PDGFRA: variants seen among roughly 807,000 people sequenced by gnomAD.
PDGFRA encodes the protein platelet-derived growth factor receptor alpha.
PDGFRA carries 25 observed loss-of-function variants against 121.5 expected under a neutral mutation model. That is an observed-to-expected ratio of 0.21 (90% CI 0.15 to 0.29). The LOEUF (loss-of-function observed/expected upper bound fraction) is 0.29, where lower values mean the gene tolerates loss of function less well. PDGFRA is among the 10% of genes least tolerant of loss of function. PDGFRA has a pLI of 1.00. For missense variants in PDGFRA, 1,008 were observed against 1,345.1 expected (o/e 0.75, Z 3.92); for synonymous variants, 463 against 494.8 (o/e 0.94, Z 0.85).
intron 10 of PDGFRA, 88 bp from the exon 11 acceptor site, chr4:54,274,443 C>A: frequency 1.1e-6 from 1 of 947,698 alleles, no homozygotes; most frequent in Non-Finnish European, 1.7e-6. Context: ...TGAGAGATTC[C>A]TGGCTCAGAC....
intron 20 of PDGFRA, 23 bp from the exon 21 acceptor site, chr4:54,288,986 A>G (rs1724495840): frequency 6.4e-7 from 1 of 1,554,770 alleles, no homozygotes; most frequent in Non-Finnish European, 8.9e-7. Flanking sequence ...CCCTGTGCCC[A>G]CTCTTGAGTT....
At chr4:54,263,041 T>A (rs1194923184) in intron 3 of PDGFRA, among the ~76,000 whole-genome samples, 1 of 152,224 alleles carries the variant, frequency 6.6e-6, no homozygotes, top group Non-Finnish European at 1.5e-5. Flanking sequence ...GTTTTTCTTT[T>A]GGAAAGGAAA....
intron 1 of PDGFRA, among the ~76,000 whole-genome samples, chr4:54,246,764 T>G (rs1721696339): frequency 6.6e-6 from 1 of 151,028 alleles, no homozygotes; most frequent in East Asian, 1.9e-4. Flanking sequence ...TTCAAAAAAT[T>G]AATGAATCCA....
chr4:54,273,314 T>A (rs571702455), intron 9 of PDGFRA, among the ~76,000 whole-genome samples: 2 of 152,358 alleles, frequency 1.3e-5, no homozygotes, highest in East Asian at 3.9e-4. Context: ...CTCTGCCTGC[T>A]ATGTAAACAC....
chr4:54,241,740 G>T (rs1338436115), intron 1 of PDGFRA, among the ~76,000 whole-genome samples: 1 of 151,746 alleles, frequency 6.6e-6, no homozygotes, highest in Non-Finnish European at 1.5e-5. Flanking sequence ...GTAGAGATGG[G>T]GTTTCATCAT....
At chr4:54,234,704 A>T (rs1720914736) in intron 1 of PDGFRA, among the ~76,000 whole-genome samples, 1 of 152,046 alleles carries the variant, frequency 6.6e-6, no homozygotes, top group Non-Finnish European at 1.5e-5. Flanking sequence ...TGAGGAGGGT[A>T]GTGGGGGGGC....
intron 1 of PDGFRA, among the ~76,000 whole-genome samples, chr4:54,234,989 C>G (rs187984604): frequency 6.6e-6 from 1 of 152,076 alleles, no homozygotes; most frequent in East Asian, 1.9e-4. Context: ...GATGGAGCTC[C>G]GGGAGATCAA....
intron 22 of PDGFRA, among the ~76,000 whole-genome samples, chr4:54,291,888 G>C (rs913527332): frequency 1.3e-5 from 2 of 152,004 alleles, no homozygotes; most frequent in Admixed American, 6.5e-5. Context: ...AATGCCCATT[G>C]ACAGTAGACT....
rs749484657 is a variant in PDGFRA, at chr4:54,289,124, G to A, written c.2880+10G>A. On this transcript the variant is annotated intron_variant, in intron 21 of 22. Coordinates refer to ENST00000257290, the MANE Select transcript of PDGFRA (RefSeq NM_006206.6). ...TGGACAATATAAAAAGGTGTGTTTG[G>A]ATCTGTGGGTGGAAAGGTCTGGATA... 4 of 1,467,470 alleles carry A rather than the reference G, an allele frequency of 2.7e-6. No individual in the cohort carries two copies. The African/African-American group carries it at 5.6e-5, about 20-fold the overall frequency. The allele number at this position is 1,467,470 out of a possible 1,614,324, so 90.9% of individuals were successfully genotyped here.
chr4:54,281,189 C>A (rs1282249684), intron 16 of PDGFRA, among the ~76,000 whole-genome samples: 1 of 152,122 alleles, frequency 6.6e-6, no homozygotes, highest in Non-Finnish European at 1.5e-5. Flanking sequence ...CAGGGTGGTT[C>A]CTCCAGAGCC....
Position 54,260,397 on chromosome 4 carries a change from G to GTTTTTTTTTTTTT in PDGFRA, c.50-681_50-669dup, listed in dbSNP as rs68009440. Among the ~76,000 whole-genome samples, 116 of 64,574 alleles carry GTTTTTTTTTTTTT rather than the reference G, an allele frequency of 1.8e-3. 3 individuals carry two copies. The highest frequency in any genetic ancestry group is 7.6e-3 in the African/African-American group (112 of 14,770). The allele number at this position is 64,574 out of a possible 152,430, so 42.4% of individuals were successfully genotyped here. ...TTGCCTCCATTCTTATTCCATGTGG[G>GTTTTTTTTTTTTT]TTTTTTTTTTTTTTTTTTTTTTTTT... On this transcript the variant is annotated intron_variant, in intron 2 of 22. Coordinates refer to ENST00000257290, the MANE Select transcript of PDGFRA (RefSeq NM_006206.6).
rs1433353094 is a variant in PDGFRA at position 54,298,087 on chromosome 4, T to C, written c.*2815T>C. 1 of 222,858 alleles carries C rather than the reference T, an allele frequency of 4.5e-6. No individual in the cohort carries two copies. Among genetic ancestry groups the C allele is most frequent in the Non-Finnish European group, 9.0e-6 (1 of 111,374 alleles). 13.8% of individuals were successfully genotyped at this position (222,858 alleles called of 1,614,324 possible). On this transcript the variant is annotated 3_prime_UTR_variant, in exon 23 of 23. Transcript: ENST00000257290. Reference sequence around the variant, plus strand: ...AATAATAAAAAGAAAGATACTTACATGTTCCCAAAACAATGGTGTGGTGAA... The same window carrying C: ...AATAATAAAAAGAAAGATACTTACACGTTCCCAAAACAATGGTGTGGTGAA...
At chr4:54,278,124 C>T in intron 14 of PDGFRA, 118 bp downstream of exon 14, 2 of 764,110 alleles carry the variant, frequency 2.6e-6, no homozygotes, top group South Asian at 1.5e-5. Context: ...ATAGAAGTCC[C>T]TTGAATGGAG....
At chr4:54,286,315 G>A (rs540684636) in intron 18 of PDGFRA, among the ~76,000 whole-genome samples, 13 of 144,038 alleles carry the variant, frequency 9.0e-5, no homozygotes, top group Non-Finnish European at 2.0e-4. Context: ...AATAATGTTA[G>A]CTATTTTATT....
chr4:54,241,507 G>T (rs1577675714), intron 1 of PDGFRA, among the ~76,000 whole-genome samples: 1 of 150,396 alleles, frequency 6.6e-6, no homozygotes, highest in African/African-American at 2.4e-5. Context: ...AGCCATAACT[G>T]AAAGGAAATT....
chr4:54,264,346 G>C (rs192101449), intron 4 of PDGFRA: 1 of 283,462 alleles, frequency 3.5e-6, no homozygotes, highest in Non-Finnish European at 6.6e-6. Flanking sequence ...CAGTTAGTAC[G>C]CTTGGGGAAG....
intron 15 of PDGFRA, 36 bp from the exon 16 acceptor site, chr4:54,280,280 G>T (rs1723996402): frequency 6.3e-7 from 1 of 1,591,482 alleles, no homozygotes; most frequent in East Asian, 2.2e-5. Flanking sequence ...CTTCAGAAGG[G>T]CACCCTGGGT....
At chr4:54,294,813 G>T (rs894559463) in intron 22 of PDGFRA, among the ~76,000 whole-genome samples, 3 of 152,198 alleles carry the variant, frequency 2.0e-5, no homozygotes, top group Admixed American at 1.3e-4. Flanking sequence ...GCCTTCCCAG[G>T]CCTTTGGATC....
chr4:54,295,337 T>G lies in PDGFRA; in HGVS notation c.*65T>G. The G allele has an allele frequency of 1.3e-6, 2 of 1,519,676 alleles. No individual in the cohort carries two copies. The highest frequency in any genetic ancestry group is 1.8e-6 in the Non-Finnish European group (2 of 1,095,022). 94.1% of individuals were successfully genotyped at this position (1,519,676 alleles called of 1,614,324 possible). On this transcript the variant is annotated 3_prime_UTR_variant, in exon 23 of 23. Coordinates refer to ENST00000257290, the MANE Select transcript of PDGFRA (RefSeq NM_006206.6). ...CTCTGGATCCCGTTCAGAAAACCACTTTATTGCAATGCAGAGGTTGAGAGG... is the reference window on the plus strand; with the variant it reads ...CTCTGGATCCCGTTCAGAAAACCACGTTATTGCAATGCAGAGGTTGAGAGG...
Sources: gnomAD v4.1 joint callset for allele counts (sites outside exome capture counted in the v4.1 genomes callset) on GRCh38, gnomAD v4.1.1 for gene constraint, MANE v1.5 for transcripts, NCBI Gene and HGNC (gene_info 2026-07-23, HGNC 2026-07-21) for gene names.